ZC3H4: variants seen among roughly 807,000 people sequenced by gnomAD.
ZC3H4 encodes the protein zinc finger CCCH-type containing 4.
Under a neutral mutation model 108.3 loss-of-function variants are expected in ZC3H4, and 13 were observed. The ratio of observed to expected loss-of-function variants is 0.12; its 90% CI spans 0.08 to 0.19. The LOEUF (loss-of-function observed/expected upper bound fraction) is 0.19. Ranked by LOEUF, ZC3H4 falls within the 10% of genes least tolerant of loss-of-function variation. The pLI is 1.00. For synonymous variants in ZC3H4, 917 were observed against 749.6 expected (o/e 1.22, Z -3.65); for missense variants, 1,734 against 1,838.8 (o/e 0.94, Z 1.04).
Position 47,067,865 on chromosome 19 carries a change from G to T in ZC3H4, c.2403C>A (p.Asp801Glu). 1 of 1,589,184 alleles carries T rather than the reference G, an allele frequency of 6.3e-7. No homozygotes were observed. ...CATCACTTGAGTACCAGTTTCCGGT[G>T]TCACCTGGGAAAGAACAGAGGAGCA... is the stretch of plus-strand genomic sequence containing the variant. Reference protein sequence around the residue: ...SKQDRENEEGDTGNWYSSDED... With the variant: ...SKQDRENEEGETGNWYSSDED... The change falls in exon 15 of 15, where the codon GAC becomes GAA. Residue 801 changes from aspartate (D) to glutamate (E), a missense_variant. Physicochemically the swap from Asp to Glu is conservative, Grantham distance 45. Around this residue, in one of 9 missense-constraint regions of ZC3H4, gnomAD observed 540 missense variants for 484.1 expected, o/e 1.12. Coordinates refer to ENST00000253048, the MANE Select transcript of ZC3H4 (RefSeq NM_015168.2). This position sits in a 1 kb window ranked among gnomAD's most constrained non-coding sequence, Gnocchi z 6.4.
At chr19:47,094,149 G>A (rs2057783939) in intron 3 of ZC3H4, 69 bp from the exon 4 acceptor site, 2 of 1,476,432 alleles carry the variant, frequency 1.4e-6, no homozygotes, top group South Asian at 1.1e-5. Flanking sequence ...GTCAGCCTCA[G>A]GACAAACTAT....
rs2057341692 is a variant in ZC3H4, at chr19:47,072,142, C to T, written c.1803-21G>A. 2.0e-6 allele frequency: 3 copies of T among 1,504,620 alleles called. No homozygotes were observed. The highest frequency in any genetic ancestry group is 2.7e-6 in the Non-Finnish European group (3 of 1,129,232). 93.2% of individuals were successfully genotyped at this position (1,504,620 alleles called of 1,614,324 possible). A position where few individuals can be genotyped will look rare whatever the true frequency, so the allele number is the denominator to read the frequency against. On this transcript the variant is annotated intron_variant, in intron 12 of 14. Transcript: ENST00000253048. This position sits in a 1 kb window ranked among gnomAD's most constrained non-coding sequence, Gnocchi z 5.6. ...GGAACCTAGAAGAGGGAAAAGGTGC[C>T]TGTGACGGAAGCTGCCGAGGAGGGC...
intron 9 of ZC3H4, among the ~76,000 whole-genome samples, chr19:47,082,738 A>G (rs1003114179): frequency 6.6e-6 from 1 of 152,238 alleles, no homozygotes; most frequent in Non-Finnish European, 1.5e-5. Context: ...TAAAGATGGC[A>G]GAATAGTAAG....
chr19:47,085,459 C>T, intron 6 of ZC3H4, 45 bp from the exon 7 acceptor site: 4 of 1,487,402 alleles, frequency 2.7e-6, no homozygotes, highest in Non-Finnish European at 2.7e-6. Context: ...AGGTAGGGAA[C>T]AATGAACACT....
chr19:47,071,974 T>C lies in ZC3H4; in HGVS notation c.1950A>G (p.Ala650=), dbSNP rs398681. The C allele has an allele frequency of 6.4e-7, 1 of 1,574,248 alleles. No individual in the cohort carries two copies. Among genetic ancestry groups the C allele is most frequent in the South Asian group, 1.1e-5 (1 of 90,024 alleles). Reference sequence around the variant, plus strand: ...TCATGCCAGGGCCCATCGGCATGTCTGCGTGCATGTCTGCGTGCATGTCAG... The same window carrying C: ...TCATGCCAGGGCCCATCGGCATGTCCGCGTGCATGTCTGCGTGCATGTCAG... ...MHPDMHADMH[A]DMPMGPGMNP... Residue 650 remains alanine (A), a synonymous_variant, in exon 13 of 15, where the codon GCA becomes GCG. Coordinates refer to ENST00000253048, the MANE Select transcript of ZC3H4 (RefSeq NM_015168.2).
At chr19:47,093,825 C>T in intron 4 of ZC3H4, 145 bp downstream of exon 4, 1 of 594,916 alleles carries the variant, frequency 1.7e-6, no homozygotes, top group Non-Finnish European at 2.8e-6. Context: ...AGTTTCCTCA[C>T]TCATAAAATG....
At chr19:47,071,596 T>G (rs183784018) in intron 13 of ZC3H4, among the ~76,000 whole-genome samples, 182 bp downstream of exon 13, 123 of 152,130 alleles carry the variant, frequency 8.1e-4, no homozygotes, top group Non-Finnish European at 1.5e-3. Flanking sequence ...CACAGAATAC[T>G]CCTTTCTTCT....
chr19:47,105,178 T>C (rs2057952675), intron 2 of ZC3H4, among the ~76,000 whole-genome samples: 1 of 152,180 alleles, frequency 6.6e-6, no homozygotes, highest in African/African-American at 2.4e-5. Context: ...CAATGGCTGC[T>C]GTGCAGGCAT....
At chr19:47,110,369 G>A (rs993860548) in intron 2 of ZC3H4, among the ~76,000 whole-genome samples, 3 of 152,146 alleles carry the variant, frequency 2.0e-5, no homozygotes, top group Non-Finnish European at 4.4e-5. Flanking sequence ...GATGCCAAGG[G>A]TCTGAAAACA....
intron 2 of ZC3H4, among the ~76,000 whole-genome samples, chr19:47,096,342 G>C (rs2057819882): frequency 6.6e-6 from 1 of 152,244 alleles, no homozygotes; most frequent in South Asian, 2.1e-4. Context: ...GAATGGGGCG[G>C]GGGTGCAGGC....
In ZC3H4 at chr19:47,067,130, C is replaced by T; in HGVS notation, c.3138G>A (p.Leu1046=). The T allele has an allele frequency of 1.2e-6, 2 of 1,612,060 alleles. No individual in the cohort carries two copies. The highest frequency in any genetic ancestry group is 1.7e-4 in the Middle Eastern group (1 of 6,056). Residue 1046 remains leucine (L), a synonymous_variant, in exon 15 of 15, where the codon CTG becomes CTA. Transcript: ENST00000253048. This position sits in a 1 kb window ranked among gnomAD's most constrained non-coding sequence, Gnocchi z 6.4. The part of the protein sequence containing the change: ...QGANLPDFEL[L]SRILKTVNAT... Reference sequence around the variant, plus strand: ...CATTGACTGTCTTGAGGATGCGAGACAGAAGTTCAAAGTCGGGGAGGTTGG... The same window carrying T: ...CATTGACTGTCTTGAGGATGCGAGATAGAAGTTCAAAGTCGGGGAGGTTGG...
At chr19:47,097,838 G>A (rs966293474) in intron 2 of ZC3H4, among the ~76,000 whole-genome samples, 1 of 152,186 alleles carries the variant, frequency 6.6e-6, no homozygotes, top group African/African-American at 2.4e-5. Flanking sequence ...AAAGCCTGCC[G>A]TGGCGGCCTG....
chr19:47,110,688 A>G (rs192563696), intron 2 of ZC3H4, among the ~76,000 whole-genome samples: 1 of 152,346 alleles, frequency 6.6e-6, no homozygotes, highest in East Asian at 1.9e-4. Context: ...AGAACTCCTT[A>G]GAGGTCGAAT....
In ZC3H4 at chr19:47,067,814, G is replaced by C. The variant is rs762781881; in HGVS notation, c.2454C>G (p.Thr818=). Residue 818 remains threonine, a synonymous_variant, in exon 15 of 15, where the codon ACC becomes ACG. Transcript: ENST00000253048. The surrounding 1 kb of genome is among the most constrained non-coding windows in gnomAD (Gnocchi z 6.4). Reference sequence around the variant, plus strand: ...GCTGCCTCAAGGTCTTCAGGATGGAGGTGACACTGCTTCCACCCTCATCCT... The same window carrying C: ...GCTGCCTCAAGGTCTTCAGGATGGACGTGACACTGCTTCCACCCTCATCCT... The part of the protein sequence containing the change: ...SDEDEGGSSV[T]SILKTLRQQT... 2 of 1,608,658 alleles carry C rather than the reference G, an allele frequency of 1.2e-6. No individual in the cohort carries two copies. The highest frequency in any genetic ancestry group is 4.5e-5 in the East Asian group (2 of 44,756).
At chr19:47,088,116 T>C (rs1395773574) in intron 5 of ZC3H4, among the ~76,000 whole-genome samples, 2 of 151,892 alleles carry the variant, frequency 1.3e-5, no homozygotes, top group Non-Finnish European at 2.9e-5. Flanking sequence ...GAGGTTGCAG[T>C]GAGTCAAAAT....
Position 47,067,349 on chromosome 19 carries a change from G to A in ZC3H4, c.2919C>T (p.Phe973=), listed in dbSNP as rs772443058. 35 of 1,603,760 alleles carry A rather than the reference G, an allele frequency of 2.2e-5. No homozygotes were observed. Among genetic ancestry groups the A allele is most frequent in the South Asian group, 1.3e-4 (12 of 89,814 alleles). ...KKDVTLSKPS[F]ARTVLWNPED... ...CGGGATTCCAGAGCACGGTGCGGGC[G>A]AAGCTGGGCTTGCTCAGGGTCACGT... The change falls in exon 15 of 15, where the codon TTC becomes TTT. Residue 973 remains phenylalanine, a synonymous_variant. Coordinates refer to ENST00000253048, the MANE Select transcript of ZC3H4 (RefSeq NM_015168.2). This position sits in a 1 kb window ranked among gnomAD's most constrained non-coding sequence, Gnocchi z 6.4.
chr19:47,110,966 AGAAAGGG>A, intron 2 of ZC3H4: 3 of 980,768 alleles, frequency 3.1e-6, no homozygotes, highest in African/African-American at 1.7e-5. Context: ...TCTGTGAAGG[AGAAAGGG>A]GAAAGGGGAG....
chr19:47,069,058 G>A (rs1393925068), intron 14 of ZC3H4, 34 bp downstream of exon 14: 1 of 1,600,934 alleles, frequency 6.2e-7, no homozygotes, highest in African/African-American at 1.3e-5. Flanking sequence ...AGCGGCCTGG[G>A]GCCTGTGCCC....
At chr19:47,075,608 G>A (rs1568538441) in intron 11 of ZC3H4, among the ~76,000 whole-genome samples, 1 of 151,886 alleles carries the variant, frequency 6.6e-6, no homozygotes, top group Non-Finnish European at 1.5e-5. Flanking sequence ...ACGTGTGTGT[G>A]CGCACACACA....
Sources: allele counts gnomAD v4.1 joint callset (sites outside exome capture counted in the v4.1 genomes callset), GRCh38; gene constraint gnomAD v4.1.1; regional missense constraint gnomAD v4.1.1; non-coding constraint Gnocchi (gnomAD v3.1); transcripts MANE v1.5; gene names NCBI Gene and HGNC (gene_info 2026-07-23, HGNC 2026-07-21).